The following CTNND2 variants were observed in gnomAD, a reference collection of about 807,000 sequenced individuals.
CTNND2 encodes catenin delta-2.
Under a neutral mutation model 144.4 loss-of-function variants are expected in CTNND2, and 22 were observed. The ratio of observed to expected loss-of-function variants is 0.15; its 90% CI spans 0.11 to 0.22. CTNND2 has a LOEUF of 0.22. Among genes scored for constraint, CTNND2 ranks in the 10% least tolerant of loss-of-function variants. The pLI, the probability that CTNND2 is intolerant of heterozygous loss-of-function variation, is 1.00. For synonymous variants in CTNND2, 751 were observed against 695.6 expected, an observed-to-expected ratio of 1.08 and a Z score of -1.25; for missense variants, 1,353 against 1,618.8, an observed-to-expected ratio of 0.84 and a Z score of 2.82.
intron 2 of CTNND2, among the ~76,000 whole-genome samples, chr5:11,677,683 G>C (rs1784237343): frequency 6.6e-6 from 1 of 152,140 alleles, no homozygotes; most frequent in East Asian, 1.9e-4. Context: ...CACAATGAAA[G>C]CCCATGTATT....
At chr5:11,506,097 C>A (rs1561488599) in intron 3 of CTNND2, among the ~76,000 whole-genome samples, 2 of 152,142 alleles carry the variant, frequency 1.3e-5, no homozygotes, top group African/African-American at 4.8e-5. Context: ...CTGACGGAGG[C>A]TCAGGAAAGG....
chr5:11,504,900 C>G (rs1219112262), intron 3 of CTNND2, among the ~76,000 whole-genome samples: 1 of 152,114 alleles, frequency 6.6e-6, no homozygotes, highest in Admixed American at 6.5e-5. Context: ...GCCTCTTGAG[C>G]AGGTTCCTTT....
At chr5:11,216,769 A>G (rs903561313) in intron 10 of CTNND2, among the ~76,000 whole-genome samples, 1 of 152,230 alleles carries the variant, frequency 6.6e-6, no homozygotes, top group Non-Finnish European at 1.5e-5. Flanking sequence ...GGAGCACTTC[A>G]GGCTCGCTGG....
chr5:11,664,787 A>G (rs1245399226), intron 2 of CTNND2, among the ~76,000 whole-genome samples: 2 of 152,184 alleles, frequency 1.3e-5, no homozygotes, highest in Admixed American at 6.5e-5. Flanking sequence ...GCTAGAATTG[A>G]TAACTTAGTC....
intron 3 of CTNND2, among the ~76,000 whole-genome samples, chr5:11,488,580 C>T (rs80310322): frequency 7.4e-4 from 113 of 152,128 alleles, no homozygotes; most frequent in Non-Finnish European, 1.3e-3. Context: ...AATTACCAAC[C>T]GAATTGGTAA....
intron 16 of CTNND2, among the ~76,000 whole-genome samples, chr5:11,078,967 T>C (rs1244125381): frequency 6.6e-6 from 1 of 152,316 alleles, no homozygotes; most frequent in Non-Finnish European, 1.5e-5. Flanking sequence ...AGACACAGAT[T>C]TGCAGCCTGG....
intron 3 of CTNND2, among the ~76,000 whole-genome samples, chr5:11,466,027 G>A (rs1450367958): frequency 6.6e-6 from 1 of 152,116 alleles, no homozygotes; most frequent in Non-Finnish European, 1.5e-5. Flanking sequence ...ACTTATTGAA[G>A]AGGTGGGGTT....
intron 16 of CTNND2, among the ~76,000 whole-genome samples, chr5:11,075,025 A>G (rs1748782959): frequency 6.6e-6 from 1 of 152,082 alleles, no homozygotes; most frequent in African/African-American, 2.4e-5. Context: ...AGGAATAGCA[A>G]TGATTTTTAC....
rs376036720 is a variant in CTNND2 at position 11,498,904 on chromosome 5, G to A, written c.287+66040C>T. Among the ~76,000 whole-genome samples the A allele has an allele frequency of 3.5e-4, 54 of 152,262 alleles. 1 individual carries two copies. The South Asian group carries it at 0.011, about 30-fold the overall frequency. On this transcript the variant is annotated intron_variant, in intron 3 of 21. Coordinates refer to ENST00000304623, the MANE Select transcript of CTNND2 (RefSeq NM_001332.4). ...TGTATAAGTGGCTCAAGCAGTCTAAGATCTGGATGTGTGTTTTTTTTTAAA... is the reference window on the plus strand; with the variant it reads ...TGTATAAGTGGCTCAAGCAGTCTAAAATCTGGATGTGTGTTTTTTTTTAAA...
intron 11 of CTNND2, among the ~76,000 whole-genome samples, chr5:11,163,953 T>A (rs567496479): frequency 8.5e-5 from 13 of 152,214 alleles, no homozygotes; most frequent in Middle Eastern, 3.4e-3. Flanking sequence ...ATTTATAGGT[T>A]TGTGTTTGGA....
At chr5:11,773,382 T>C (rs750970933) in intron 1 of CTNND2, among the ~76,000 whole-genome samples, 2 of 152,198 alleles carry the variant, frequency 1.3e-5, no homozygotes, top group Non-Finnish European at 2.9e-5. Flanking sequence ...ATAAGTACAA[T>C]AGTCAAATGA....
intron 1 of CTNND2, among the ~76,000 whole-genome samples, chr5:11,885,437 T>TA (rs1736448120): frequency 6.6e-6 from 1 of 152,032 alleles, no homozygotes; most frequent in Non-Finnish European, 1.5e-5. Context: ...TCAAAAACTA[T>TA]AAAAAAGAGA....
At chr5:11,592,128 T>TTTCCTGCCTTCCTGCC (rs1221933675) in intron 2 of CTNND2, among the ~76,000 whole-genome samples, 2 of 135,600 alleles carry the variant, frequency 1.5e-5, no homozygotes, top group Non-Finnish European at 1.6e-5. Context: ...TCCTTCCTTC[T>TTTCCTGCCTTCCTGCC]TTCCTGCCTT....
chr5:11,470,586 T>C (rs1767095698), intron 3 of CTNND2, among the ~76,000 whole-genome samples: 1 of 152,220 alleles, frequency 6.6e-6, no homozygotes, highest in African/African-American at 2.4e-5. Flanking sequence ...TTGGTTTATT[T>C]AGATTTCCTT....
At chr5:11,770,592 C>G (rs182057086) in intron 1 of CTNND2, among the ~76,000 whole-genome samples, 2 of 152,226 alleles carry the variant, frequency 1.3e-5, no homozygotes, top group East Asian at 3.9e-4. Context: ...ACAGAGTAGG[C>G]TGACATCTTC....
chr5:10,981,368 T>C (rs899811175), intron 21 of CTNND2, among the ~76,000 whole-genome samples: 1 of 152,248 alleles, frequency 6.6e-6, no homozygotes, highest in African/African-American at 2.4e-5. Context: ...GTAGTGATCA[T>C]GTATAATGAA....
chr5:11,732,101 C>G (rs1342188605), intron 2 of CTNND2, 35 bp downstream of exon 2: 1 of 1,593,484 alleles, frequency 6.3e-7, no homozygotes, highest in East Asian at 2.3e-5. Flanking sequence ...TAAAATGTCC[C>G]CAAACGCATA....
At position 11,690,460 on chromosome 5, in the gene CTNND2, G is replaced by A. The variant is rs114533397; in HGVS notation, c.174+41676C>T. Among the ~76,000 whole-genome samples, 1,301 of 152,184 alleles carry A rather than the reference G, an allele frequency of 8.5e-3. 18 individuals carry two copies. The highest frequency in any genetic ancestry group is 0.03 in the African/African-American group (1,252 of 41,528). Reference sequence around the variant, plus strand: ...CTCCTTCTATTCACCTACGATATTAGAGGCTCTCACTTAAGAAATCTATGC... The same window carrying A: ...CTCCTTCTATTCACCTACGATATTAAAGGCTCTCACTTAAGAAATCTATGC... On this transcript the variant is annotated intron_variant, in intron 2 of 21. Transcript: ENST00000304623.
chr5:11,844,721 A>G (rs1446845261), intron 1 of CTNND2, among the ~76,000 whole-genome samples: 1 of 152,108 alleles, frequency 6.6e-6, no homozygotes, highest in Non-Finnish European at 1.5e-5. Flanking sequence ...TGATGAACTG[A>G]TTTTTAAAAA....
Sources: gnomAD v4.1 joint callset for allele counts (sites outside exome capture counted in the v4.1 genomes callset) on GRCh38, gnomAD v4.1.1 for gene constraint, MANE v1.5 for transcripts, NCBI Gene and HGNC (gene_info 2026-07-23, HGNC 2026-07-21) for gene names.